Variants in GARS1 observed in about 807,000 individuals in gnomAD.
GARS1 encodes the protein glycyl-tRNA synthetase 1.
In GARS1, 46 loss-of-function variants were observed where a neutral mutation model predicts 86.4. The ratio of observed to expected loss-of-function variants is 0.53; its 90% CI spans 0.42 to 0.68. The LOEUF (loss-of-function observed/expected upper bound fraction) is 0.68. GARS1 is among the 30% of genes least tolerant of loss of function. The pLI, the probability that GARS1 is intolerant of heterozygous loss-of-function variation, is 0.00. For synonymous variants in GARS1, 342 were observed against 329.8 expected (o/e 1.04, Z -0.40); for missense variants, 797 against 915.6 (o/e 0.87, Z 1.67).
chr7:30,615,086 G>A (rs548516423), intron 8 of GARS1, among the ~76,000 whole-genome samples: 1 of 152,258 alleles, frequency 6.6e-6, no homozygotes, highest in Non-Finnish European at 1.5e-5. Context: ...ATTGCATTCA[G>A]AGAAATCTCT....
intron 4 of GARS1, 51 bp downstream of exon 4, chr7:30,601,251 A>T: frequency 6.8e-7 from 1 of 1,463,496 alleles, no homozygotes; most frequent in Non-Finnish European, 9.4e-7. Context: ...AAAATAACTT[A>T]TTAAATTATT....
At chr7:30,624,745 A>C (rs1223267754) in intron 12 of GARS1, among the ~76,000 whole-genome samples, 3 of 152,182 alleles carry the variant, frequency 2.0e-5, no homozygotes, top group African/African-American at 7.2e-5. Context: ...ACAAAGATGA[A>C]CTCTTGCAAG....
At chr7:30,600,838 C>A (rs920551186) in intron 3 of GARS1, among the ~76,000 whole-genome samples, 7 of 152,176 alleles carry the variant, frequency 4.6e-5, no homozygotes, top group Non-Finnish European at 1.0e-4. Flanking sequence ...TTGGGCTAGT[C>A]CTACTTGAAA....
At position 30,621,514 on chromosome 7, in the gene GARS1, T is replaced by C; in HGVS notation, c.1467+14T>C. 1 of 1,596,198 alleles carries C rather than the reference T, an allele frequency of 6.3e-7. No individual in the cohort carries two copies. The highest frequency in any genetic ancestry group is 2.2e-5 in the East Asian group (1 of 44,814). ...CTGAAAGAACCCATATCCTTTCTGG[T>C]CACTCCAAAAACTCAGGATTCACAT... On this transcript the variant is annotated intron_variant, in intron 11 of 16. Transcript: ENST00000389266.
chr7:30,626,946 A>G (rs879874413), intron 13 of GARS1: 29 of 373,772 alleles, frequency 7.8e-5, no homozygotes, highest in Non-Finnish European at 1.2e-4. Flanking sequence ...ACGCCATTGC[A>G]CTCCAGCCTG....
At position 30,632,484 on chromosome 7, in the gene GARS1, G is replaced by T. The variant is rs1237262706; in HGVS notation, c.2094+47G>T. The T allele has an allele frequency of 6.4e-7, 1 of 1,574,388 alleles. No homozygotes were observed. The highest frequency in any genetic ancestry group is 8.7e-7 in the Non-Finnish European group (1 of 1,144,452). The stretch of plus-strand genomic sequence containing the variant: ...ATTTTTAGCCTTAGAAATGTGTACT[G>T]CTTCTTACTGATTTGTGTTGGATTT... On this transcript the variant is annotated intron_variant, in intron 16 of 16. Coordinates refer to ENST00000389266, the MANE Select transcript of GARS1 (RefSeq NM_002047.4). This position sits in a 1 kb window ranked among gnomAD's most constrained non-coding sequence, Gnocchi z 4.1.
chr7:30,623,560 A>G (rs1783062866), intron 12 of GARS1, among the ~76,000 whole-genome samples: 1 of 152,226 alleles, frequency 6.6e-6, no homozygotes, highest in Admixed American at 6.5e-5. Flanking sequence ...AATGAAGCAT[A>G]GAAAAAAATG....
Position 30,612,205 on chromosome 7 carries a change from A to G in GARS1, c.991A>G (p.Arg331Gly). The G allele has an allele frequency of 6.2e-7, 1 of 1,614,182 alleles. No homozygotes were observed. Among genetic ancestry groups the G allele is most frequent in the South Asian group, 1.1e-5 (1 of 91,086 alleles). Reference sequence around the variant, plus strand: ...TGCTGCCCAGATTGGAAATTCTTTTAGAAATGAGATCTCCCCTCGATCTGG... The same window carrying G: ...TGCTGCCCAGATTGGAAATTCTTTTGGAAATGAGATCTCCCCTCGATCTGG... Reference protein sequence around the residue: ...FAAAQIGNSFRNEISPRSGLI... With the variant: ...FAAAQIGNSFGNEISPRSGLI... The change falls in exon 8 of 17, where the codon AGA (arginine) becomes GGA (glycine). Residue 331 changes from arginine (R) to glycine (G), a missense_variant. Coordinates refer to ENST00000389266, the MANE Select transcript of GARS1 (RefSeq NM_002047.4).
At position 30,621,486 on chromosome 7, in the gene GARS1, C is replaced by T. The variant is rs756276908; in HGVS notation, c.1453C>T (p.Pro485Ser). Residue 485 changes from proline (P) to serine (S), a missense_variant, in exon 11 of 17, where the codon CCT (proline) becomes TCT (serine). Pro to Ser is a moderately conservative substitution (Grantham distance 74). Coordinates refer to ENST00000389266, the MANE Select transcript of GARS1 (RefSeq NM_002047.4). ...CAAAGTCCCACTTGTAGCTGAGAAACCTCTGAAAGAACCCATATCCTTTCT... is the reference window on the plus strand; with the variant it reads ...CAAAGTCCCACTTGTAGCTGAGAAATCTCTGAAAGAACCCATATCCTTTCT... ...ATKVPLVAEK[P>S]LKEPKTVNVV... 1 of 1,613,748 alleles carries T rather than the reference C, an allele frequency of 6.2e-7. No individual in the cohort carries two copies. The highest frequency in any genetic ancestry group is 8.5e-7 in the Non-Finnish European group (1 of 1,179,792).
chr7:30,595,583 T>C (rs1002177985), intron 1 of GARS1, among the ~76,000 whole-genome samples: 3 of 152,202 alleles, frequency 2.0e-5, no homozygotes, highest in African/African-American at 7.2e-5. Context: ...ATTCTTTCAG[T>C]GGTCAATGAT....
chr7:30,623,385 A>C lies in GARS1; in HGVS notation c.1613+923A>C, dbSNP rs1783059238. ...TAACATGTGAGGTGAGAAATGGAAAAATATATGTGTAATATGGATATAAAC... is the reference window on the plus strand; with the variant it reads ...TAACATGTGAGGTGAGAAATGGAAACATATATGTGTAATATGGATATAAAC... On this transcript the variant is annotated intron_variant, in intron 12 of 16. Transcript: ENST00000389266. Among the ~76,000 whole-genome samples, 3 of 152,168 alleles carry C rather than the reference A, an allele frequency of 2.0e-5. No individual in the cohort carries two copies. The South Asian group carries it at 6.2e-4, about 32-fold the overall frequency.
chr7:30,613,040 G>A (rs1782801982), intron 8 of GARS1, among the ~76,000 whole-genome samples: 1 of 151,956 alleles, frequency 6.6e-6, no homozygotes, highest in South Asian at 2.1e-4. Context: ...CAGCCCCAGC[G>A]CCCACCCATT....
At position 30,622,457 on chromosome 7, in the gene GARS1, G is replaced by A. The variant is rs927151250; in HGVS notation, c.1608G>A (p.Glu536=). The part of the protein sequence containing the change: ...YITEMEMLLN[E]KGEFTIETEG... ...CAGAAATGGAGATGCTGCTGAATGAGAAAGGGTAAGATATCAGATGTTTAC... is the reference window on the plus strand; with the variant it reads ...CAGAAATGGAGATGCTGCTGAATGAAAAAGGGTAAGATATCAGATGTTTAC... The change falls in exon 12 of 17, where the codon GAG becomes GAA. Residue 536 remains glutamate, a synonymous_variant. Transcript: ENST00000389266. The A allele has an allele frequency of 1.2e-6, 2 of 1,614,026 alleles. No individual in the cohort carries two copies. The highest frequency in any genetic ancestry group is 1.3e-5 in the African/African-American group (1 of 74,926).
At chr7:30,598,637 G>A (rs933389376) in intron 1 of GARS1, among the ~76,000 whole-genome samples, 159 bp from the exon 2 acceptor site, 1 of 152,072 alleles carries the variant, frequency 6.6e-6, no homozygotes, top group African/African-American at 2.4e-5. Flanking sequence ...GGTGAGGAGG[G>A]CCTTTCAAAG....
rs1029686290 is a variant in GARS1 at position 30,609,686 on chromosome 7, C to A, written c.837C>A (p.Asn279Lys). ...GNDLSPPVSF[N>K]LMFKTFIGPG... is the part of the protein sequence containing the mutation. The stretch of plus-strand genomic sequence containing the variant: ...ATCTATCCCCTCCAGTGTCTTTTAA[C>A]TTAATGTTCAAGACTTTCATTGGGC... Residue 279 changes from asparagine (N) to lysine (K), a missense_variant, in exon 7 of 17, where the codon AAC becomes AAA. This residue lies in a region of GARS1 where 598 missense variants were observed against 738.7 expected (regional missense o/e 0.81). Transcript: ENST00000389266. The A allele has an allele frequency of 1.9e-6, 3 of 1,613,480 alleles. No individual in the cohort carries two copies. Among genetic ancestry groups the A allele is most frequent in the Non-Finnish European group, 2.5e-6 (3 of 1,179,528 alleles).
At chr7:30,617,978 C>T (rs1008414852) in intron 10 of GARS1, among the ~76,000 whole-genome samples, 18 of 152,254 alleles carry the variant, frequency 1.2e-4, no homozygotes, top group Admixed American at 3.3e-4. Context: ...GAGGCTTCCT[C>T]GCCTACATAG....
At chr7:30,600,252 CT>C (rs1297575454) in intron 3 of GARS1, among the ~76,000 whole-genome samples, 1 of 152,156 alleles carries the variant, frequency 6.6e-6, no homozygotes, top group African/African-American at 2.4e-5. Flanking sequence ...CTGGACAGCA[CT>C]TTTTTTGATT....
At chr7:30,598,672 C>T (rs771389622) in intron 1 of GARS1, 124 bp from the exon 2 acceptor site, 1 of 776,034 alleles carries the variant, frequency 1.3e-6, no homozygotes, top group Non-Finnish European at 2.2e-6. Context: ...GCGTGAGCCA[C>T]CACGCTTGGC....
At chr7:30,596,921 G>A (rs1450351071) in intron 1 of GARS1, among the ~76,000 whole-genome samples, 1 of 152,136 alleles carries the variant, frequency 6.6e-6, no homozygotes, top group Non-Finnish European at 1.5e-5. Context: ...AAACCTTTCC[G>A]GAGTGGGATT....
Sources: allele counts gnomAD v4.1 joint callset (sites outside exome capture counted in the v4.1 genomes callset), GRCh38; gene constraint gnomAD v4.1.1; regional missense constraint gnomAD v4.1.1; non-coding constraint Gnocchi (gnomAD v3.1); transcripts MANE v1.5; gene names NCBI Gene and HGNC (gene_info 2026-07-23, HGNC 2026-07-21).